The following KCTD20 variants were observed in gnomAD, a reference collection of about 807,000 sequenced individuals.
The protein encoded by KCTD20 is BTB/POZ domain-containing protein KCTD20.
KCTD20 carries 30 observed loss-of-function variants against 39.6 expected under a neutral mutation model. The observed-to-expected ratio is 0.76, with a 90% CI of 0.57 to 1.03. The LOEUF (loss-of-function observed/expected upper bound fraction) is 1.03. Among genes scored for constraint, KCTD20 ranks in the 50% least tolerant of loss-of-function variants. The pLI, the probability that KCTD20 is intolerant of heterozygous loss-of-function variation, is 0.00. For missense variants in KCTD20, 422 were observed against 522.0 expected (o/e 0.81, Z 1.87); for synonymous variants, 162 against 180.6 (o/e 0.90, Z 0.83).
At chr6:36,464,888 C>G (rs1201691534) in intron 1 of KCTD20, among the ~76,000 whole-genome samples, 1 of 152,148 alleles carries the variant, frequency 6.6e-6, no homozygotes, top group Non-Finnish European at 1.5e-5. Context: ...GGCAGATTAG[C>G]TTATTTACCA....
intron 3 of KCTD20, among the ~76,000 whole-genome samples, chr6:36,475,801 A>G (rs1466654430): frequency 1.3e-5 from 2 of 152,224 alleles, no homozygotes; most frequent in Non-Finnish European, 2.9e-5. Context: ...ACAAGAACAA[A>G]GCTATTTTAC....
chr6:36,484,903 C>CAG, intron 7 of KCTD20, 79 bp downstream of exon 7: 1 of 756,140 alleles, frequency 1.3e-6, no homozygotes, highest in East Asian at 2.5e-5. Context: ...ATTTAGCCTC[C>CAG]AGAGGCCTAG....
Position 36,488,445 on chromosome 6 carries a change from T to C in KCTD20, c.*1270T>C, listed in dbSNP as rs1224537259. 6.6e-6 allele frequency: 1 copy of C among 152,218 alleles called. No individual in the cohort carries two copies. Among genetic ancestry groups the C allele is most frequent in the Non-Finnish European group, 1.5e-5 (1 of 68,042 alleles). 9.4% of individuals were successfully genotyped at this position (152,218 alleles called of 1,614,324 possible). The stretch of plus-strand genomic sequence containing the variant: ...CCCTCCTGTTCTCCATGGCTATTAA[T>C]AGTATAGCTAAATTTAGAGTGCAGA... On this transcript the variant is annotated 3_prime_UTR_variant, in exon 8 of 8. Transcript: ENST00000373731.
Position 36,486,867 on chromosome 6 carries a change from C to G in KCTD20, c.968-16C>G, listed in dbSNP as rs763860052. On this transcript the variant is annotated splice_polypyrimidine_tract_variant and intron_variant, in intron 7 of 7. Transcript: ENST00000373731. ...CACAATTTGTTAGTCATGAGAATGGCCTTTTTCCATTGCAGGTTACCCTAC... is the reference window on the plus strand; with the variant it reads ...CACAATTTGTTAGTCATGAGAATGGGCTTTTTCCATTGCAGGTTACCCTAC... 4.4e-6 allele frequency: 7 copies of G among 1,603,614 alleles called. No individual in the cohort carries two copies. The Admixed American group carries it at 1.2e-4, about 27-fold the overall frequency.
chr6:36,449,386 G>A (rs923916490), intron 1 of KCTD20, among the ~76,000 whole-genome samples: 4 of 149,022 alleles, frequency 2.7e-5, no homozygotes, highest in East Asian at 4.0e-4. Flanking sequence ...GACACAGAGC[G>A]CTGATTGATA....
At chr6:36,478,324 A>G (rs759010970) in intron 3 of KCTD20, among the ~76,000 whole-genome samples, 16 of 152,160 alleles carry the variant, frequency 1.1e-4, no homozygotes, top group Admixed American at 2.6e-4. Flanking sequence ...AGTGGAAGTC[A>G]TGGGGTCATT....
In KCTD20 at chr6:36,468,976, G is replaced by A. The variant is rs189722780; in HGVS notation, c.-46-1076G>A. Among the ~76,000 whole-genome samples, 55 of 152,244 alleles carry A rather than the reference G, an allele frequency of 3.6e-4. 1 individual carries two copies. Among genetic ancestry groups the A allele is most frequent in the Admixed American group, 3.3e-3 (50 of 15,296 alleles). ...TTATGCTAAAAATATTTTAATATAT[G>A]TTATGAAGGGATTCAAAATTTCATT... On this transcript the variant is annotated intron_variant, in intron 1 of 7. Coordinates refer to ENST00000373731, the MANE Select transcript of KCTD20 (RefSeq NM_173562.5).
At chr6:36,483,468 C>T (rs1776325162) in intron 6 of KCTD20, among the ~76,000 whole-genome samples, 1 of 152,090 alleles carries the variant, frequency 6.6e-6, no homozygotes, top group Non-Finnish European at 1.5e-5. Flanking sequence ...CCGCCTCAGC[C>T]TCCCAAGTGC....
At chr6:36,474,695 T>C in intron 2 of KCTD20, 94 bp from the exon 3 acceptor site, 1 of 1,220,296 alleles carries the variant, frequency 8.2e-7, no homozygotes, top group Non-Finnish European at 1.1e-6. Flanking sequence ...TGGGGGTTTT[T>C]TGTTTGTTTA....
At chr6:36,473,925 G>A (rs1775985778) in intron 2 of KCTD20, among the ~76,000 whole-genome samples, 1 of 152,124 alleles carries the variant, frequency 6.6e-6, no homozygotes, top group Non-Finnish European at 1.5e-5. Flanking sequence ...AAGACCTGCC[G>A]TTTTGAAAAA....
chr6:36,480,378 A>G (rs934666017), intron 5 of KCTD20, among the ~76,000 whole-genome samples: 7 of 151,180 alleles, frequency 4.6e-5, no homozygotes, highest in African/African-American at 7.3e-5. Flanking sequence ...AAACAGCACA[A>G]ATTGGCCAGG....
chr6:36,447,484 G>A (rs902974164), intron 1 of KCTD20, among the ~76,000 whole-genome samples: 1 of 152,024 alleles, frequency 6.6e-6, no homozygotes, highest in Non-Finnish European at 1.5e-5. Context: ...CAGAAAATTA[G>A]CTGGGCATGT....
intron 5 of KCTD20, among the ~76,000 whole-genome samples, 154 bp from the exon 6 acceptor site, chr6:36,481,408 A>G (rs1285322421): frequency 2.6e-5 from 4 of 152,236 alleles, no homozygotes; most frequent in Non-Finnish European, 5.9e-5. Flanking sequence ...AAGCTTAATT[A>G]TCACCCTGGA....
intron 1 of KCTD20, chr6:36,450,828 T>A (rs1350989081): frequency 6.6e-6 from 1 of 152,248 alleles, no homozygotes; most frequent in East Asian, 1.9e-4. Flanking sequence ...GATAATATAT[T>A]GTTTTCTGAT....
intron 1 of KCTD20, chr6:36,465,486 T>C (rs960201029): frequency 1.3e-4 from 20 of 151,612 alleles, no homozygotes; most frequent in Non-Finnish European, 2.4e-4. Context: ...TCAGAAATAA[T>C]TGATTAGGAG....
chr6:36,477,034 C>G (rs1187933986), intron 3 of KCTD20, among the ~76,000 whole-genome samples: 1 of 152,112 alleles, frequency 6.6e-6, no homozygotes, highest in African/African-American at 2.4e-5. Flanking sequence ...AATGGGTTGT[C>G]CCATGAAGAG....
intron 1 of KCTD20, among the ~76,000 whole-genome samples, chr6:36,453,280 G>A (rs552783085): frequency 1.5e-4 from 23 of 151,936 alleles, no homozygotes; most frequent in Non-Finnish European, 2.8e-4. Flanking sequence ...CCAAACTGCT[G>A]GGATTACAGG....
chr6:36,475,260 A>G lies in KCTD20; in HGVS notation c.434+198A>G, dbSNP rs954402878. On this transcript the variant is annotated intron_variant, in intron 3 of 7. Coordinates refer to ENST00000373731, the MANE Select transcript of KCTD20 (RefSeq NM_173562.5). ...CAGGAGTTTGAGACCAGCCTGGCCA[A>G]CATGGTGAAACCCTATCTCTACTAA... 2.0e-5 allele frequency among the ~76,000 whole-genome samples: 3 copies of G among 152,134 alleles called. No homozygotes were observed. The East Asian group carries it at 5.8e-4, about 29-fold the overall frequency.
In KCTD20 at chr6:36,450,146, A is replaced by G. The variant is rs1323855248; in HGVS notation, c.-47+7035A>G. ...GCCACTGCACTCCAGCCTGGGCAACAGAGTGAGACTCCGTCCTAAAAAAAA... is the reference window on the plus strand; with the variant it reads ...GCCACTGCACTCCAGCCTGGGCAACGGAGTGAGACTCCGTCCTAAAAAAAA... On this transcript the variant is annotated intron_variant, in intron 1 of 7. Transcript: ENST00000373731. Among the ~76,000 whole-genome samples, 2 of 143,446 alleles carry G rather than the reference A, an allele frequency of 1.4e-5. 1 individual carries two copies. The highest frequency in any genetic ancestry group is 5.4e-5 in the African/African-American group (2 of 37,240). The allele number at this position is 143,446 out of a possible 152,430, so 94.1% of individuals were successfully genotyped here.
Sources: gnomAD v4.1 joint callset for allele counts (sites outside exome capture counted in the v4.1 genomes callset) on GRCh38, gnomAD v4.1.1 for gene constraint, MANE v1.5 for transcripts, NCBI Gene and HGNC (gene_info 2026-07-23, HGNC 2026-07-21) for gene names.